NKAIN2: variants seen among roughly 807,000 people sequenced by gnomAD.
NKAIN2 encodes sodium/potassium transporting ATPase interacting 2, also known as sodium/potassium-transporting ATPase subunit beta-1-interacting protein 2.
Under a neutral mutation model 32.6 loss-of-function variants are expected in NKAIN2, and 14 were observed. The observed-to-expected ratio is 0.43, with a 90% confidence interval of 0.28 to 0.67. NKAIN2 has a LOEUF of 0.67. Ranked by LOEUF, NKAIN2 falls within the 30% of genes least tolerant of loss-of-function variation. The pLI, the probability that NKAIN2 is intolerant of heterozygous loss-of-function variation, is 0.17. For synonymous variants in NKAIN2, 80 were observed against 87.2 expected, an observed-to-expected ratio of 0.92 and a Z score of 0.46; for missense variants, 198 against 258.3, an observed-to-expected ratio of 0.77 and a Z score of 1.60.
intron 2 of NKAIN2, among the ~76,000 whole-genome samples, chr6:124,351,895 A>T (rs995388445): frequency 2.6e-5 from 4 of 152,148 alleles, no homozygotes; most frequent in African/African-American, 9.7e-5. Flanking sequence ...TGCTGATATT[A>T]CAGGCCTGAG....
chr6:124,740,517 C>T (rs1777157404), intron 4 of NKAIN2, among the ~76,000 whole-genome samples: 1 of 148,480 alleles, frequency 6.7e-6, no homozygotes, highest in Non-Finnish European at 1.5e-5. Flanking sequence ...GGTACAGAAA[C>T]AGAAAAAGAA....
intron 1 of NKAIN2, among the ~76,000 whole-genome samples, chr6:123,901,815 A>G (rs879398786): frequency 6.6e-6 from 1 of 152,170 alleles, no homozygotes; most frequent in Non-Finnish European, 1.5e-5. Flanking sequence ...AATAAAATTA[A>G]TTGGAAATTT....
chr6:124,342,835 A>ATTATTATTATTATTATTATTGTTATTG (rs1429792655), intron 2 of NKAIN2, among the ~76,000 whole-genome samples: 240 of 149,922 alleles, frequency 1.6e-3, no homozygotes, highest in African/African-American at 5.5e-3. Flanking sequence ...TATTATTATT[A>ATTATTATTATTATTATTATTGTTATTG]TTATTATTAT....
rs1489803336 is a variant in NKAIN2 at position 123,809,838 on chromosome 6, C to A, written c.54+5584C>A. On this transcript the variant is annotated intron_variant, in intron 1 of 6. Transcript: ENST00000368417. ...CCAACCTGAAATAAGAATAAGGTGA[C>A]TTCAAAAGCTTATGATTTTTACCCT... 5.9e-5 allele frequency among the ~76,000 whole-genome samples: 9 copies of A among 152,160 alleles called. No homozygotes were observed. In the South Asian group the frequency reaches 1.2e-3, roughly 21 times the overall value.
intron 3 of NKAIN2, among the ~76,000 whole-genome samples, chr6:124,491,612 G>A (rs1777865739): frequency 6.6e-6 from 1 of 151,818 alleles, no homozygotes; most frequent in Admixed American, 6.6e-5. Flanking sequence ...AGCTAGTTAT[G>A]TGTCCTGAAG....
At chr6:124,533,401 G>T (rs1779598298) in intron 3 of NKAIN2, among the ~76,000 whole-genome samples, 1 of 138,014 alleles carries the variant, frequency 7.2e-6, no homozygotes, top group South Asian at 2.4e-4. Flanking sequence ...GAACCCGGGA[G>T]GTGGAGCTAG....
chr6:124,271,228 T>A (rs544781836), intron 1 of NKAIN2, among the ~76,000 whole-genome samples: 1 of 152,022 alleles, frequency 6.6e-6, no homozygotes, highest in South Asian at 2.1e-4. Context: ...CCTTTCTTAT[T>A]TTTTTTTGAG....
At chr6:124,463,279 C>A (rs1776605917) in intron 3 of NKAIN2, among the ~76,000 whole-genome samples, 1 of 151,950 alleles carries the variant, frequency 6.6e-6, no homozygotes, top group Non-Finnish European at 1.5e-5. Context: ...TTAATTATTG[C>A]CACTACTACT....
chr6:124,809,508 T>C (rs1477556514), intron 5 of NKAIN2, among the ~76,000 whole-genome samples: 1 of 150,160 alleles, frequency 6.7e-6, no homozygotes, highest in Non-Finnish European at 1.5e-5. Flanking sequence ...ACTTAAACGT[T>C]GGACCTAAAA....
intron 3 of NKAIN2, among the ~76,000 whole-genome samples, chr6:124,423,719 G>A (rs1774856057): frequency 6.6e-6 from 1 of 152,158 alleles, no homozygotes; most frequent in Admixed American, 6.5e-5. Flanking sequence ...CTTCCACCTT[G>A]TAGGAGCACA....
intron 3 of NKAIN2, among the ~76,000 whole-genome samples, chr6:124,390,472 A>G (rs1773094216): frequency 6.6e-6 from 1 of 152,138 alleles, no homozygotes. Flanking sequence ...TCTGAACACT[A>G]TCTGGCATGT....
chr6:124,016,745 A>T (rs566862875), intron 1 of NKAIN2, among the ~76,000 whole-genome samples: 10 of 152,180 alleles, frequency 6.6e-5, no homozygotes, highest in Non-Finnish European at 1.5e-4. Flanking sequence ...GAAAGTCCTT[A>T]TAACAGCTGT....
chr6:124,486,792 G>T (rs889187503), intron 3 of NKAIN2, among the ~76,000 whole-genome samples: 2 of 151,852 alleles, frequency 1.3e-5, no homozygotes, highest in South Asian at 4.2e-4. Flanking sequence ...ACCCATTAGG[G>T]TGCCTCACTG....
At chr6:123,858,755 G>A (rs180828675) in intron 1 of NKAIN2, among the ~76,000 whole-genome samples, 15 of 152,216 alleles carry the variant, frequency 9.9e-5, no homozygotes, top group East Asian at 3.9e-4. Flanking sequence ...TTATTGAAGC[G>A]TCAGTTTTGT....
chr6:124,661,823 T>A (rs1337203286), intron 4 of NKAIN2, among the ~76,000 whole-genome samples: 1 of 152,128 alleles, frequency 6.6e-6, no homozygotes, highest in Non-Finnish European at 1.5e-5. Context: ...AATAAATGTA[T>A]GTGGGGAGAG....
chr6:124,446,156 A>G (rs1775883486), intron 3 of NKAIN2, among the ~76,000 whole-genome samples: 1 of 152,092 alleles, frequency 6.6e-6, no homozygotes, highest in African/African-American at 2.4e-5. Context: ...ATTATGTTGA[A>G]AGCAAACACT....
intron 3 of NKAIN2, among the ~76,000 whole-genome samples, chr6:124,585,372 T>C (rs548074105): frequency 6.6e-6 from 1 of 152,218 alleles, no homozygotes; most frequent in Admixed American, 6.5e-5. Context: ...TACGGTGAGA[T>C]AGAATGAATA....
intron 1 of NKAIN2, among the ~76,000 whole-genome samples, chr6:124,133,981 C>T (rs1786605872): frequency 6.6e-6 from 1 of 152,002 alleles, no homozygotes; most frequent in Non-Finnish European, 1.5e-5. Flanking sequence ...AGTTCTATAA[C>T]ACCCCCGAAA....
At chr6:124,269,064 T>A (rs940645895) in intron 1 of NKAIN2, among the ~76,000 whole-genome samples, 3 of 152,202 alleles carry the variant, frequency 2.0e-5, no homozygotes, top group African/African-American at 7.2e-5. Flanking sequence ...GCAGTTGAAA[T>A]GCTTTGAATT....
Sources: allele counts gnomAD v4.1 joint callset (sites outside exome capture counted in the v4.1 genomes callset), GRCh38; gene constraint gnomAD v4.1.1; transcripts MANE v1.5; gene names NCBI Gene and HGNC (gene_info 2026-07-23, HGNC 2026-07-21).